DIP2C: variants seen among roughly 807,000 people sequenced by gnomAD.
DIP2C encodes the protein DIP2 acetate--CoA ligase C (putative).
A neutral mutation model predicts 192.4 loss-of-function variants in DIP2C; 33 were observed. The observed-to-expected ratio is 0.17, with a 90% CI of 0.13 to 0.23. The LOEUF (loss-of-function observed/expected upper bound fraction) is 0.23, where lower values mean the gene tolerates loss of function less well. Ranked by LOEUF, DIP2C falls within the 10% of genes least tolerant of loss-of-function variation. The pLI is 1.00. For synonymous variants in DIP2C, 979 were observed against 864.1 expected, an observed-to-expected ratio of 1.13 and a Z score of -2.33; for missense variants, 1,537 against 2,110.1, an observed-to-expected ratio of 0.73 and a Z score of 5.32.
At chr10:582,183 C>T (rs1214880380) in intron 1 of DIP2C, among the ~76,000 whole-genome samples, 4 of 152,190 alleles carry the variant, frequency 2.6e-5, no homozygotes, top group East Asian at 1.9e-4. Context: ...CCTAACAGAC[C>T]GTGGACTGGC....
chr10:452,029 C>A (rs576286387), intron 3 of DIP2C, among the ~76,000 whole-genome samples: 26 of 152,224 alleles, frequency 1.7e-4, no homozygotes, highest in African/African-American at 5.5e-4. Context: ...CAGCTCGGGG[C>A]GACTCCAGAC....
At chr10:538,997 C>T (rs186331398) in intron 1 of DIP2C, among the ~76,000 whole-genome samples, 3 of 148,992 alleles carry the variant, frequency 2.0e-5, no homozygotes, top group Admixed American at 6.6e-5. Context: ...ACCTCAGTTG[C>T]GAGTTGTCTG....
chr10:594,830 C>T (rs750086761), intron 1 of DIP2C, among the ~76,000 whole-genome samples: 5 of 152,188 alleles, frequency 3.3e-5, no homozygotes, highest in Non-Finnish European at 5.9e-5. Flanking sequence ...GTCGAATTTA[C>T]GACCTGCTGC....
intron 1 of DIP2C, among the ~76,000 whole-genome samples, chr10:587,789 G>A (rs1225307874): frequency 9.1e-6 from 1 of 110,232 alleles, no homozygotes; most frequent in African/African-American, 4.0e-5. Context: ...TCCACACCAG[G>A]CGCTGCCTCA....
intron 31 of DIP2C, among the ~76,000 whole-genome samples, chr10:320,661 GTAATCC>G (rs1420178053): frequency 6.6e-6 from 1 of 151,850 alleles, no homozygotes; most frequent in African/African-American, 2.4e-5. Flanking sequence ...GCTCACGCCT[GTAATCC>G]CAGTGCTTTG....
intron 2 of DIP2C, among the ~76,000 whole-genome samples, chr10:481,795 A>G (rs1843631006): frequency 6.6e-6 from 1 of 152,112 alleles, no homozygotes; most frequent in African/African-American, 2.4e-5. Context: ...CACGGTAGGG[A>G]CGGTCACTCA....
intron 4 of DIP2C, among the ~76,000 whole-genome samples, chr10:440,249 C>T (rs763482755): frequency 2.0e-5 from 3 of 152,210 alleles, no homozygotes; most frequent in Non-Finnish European, 4.4e-5. Context: ...GGGGTTGGCA[C>T]ATCTGTGCAC....
intron 24 of DIP2C, among the ~76,000 whole-genome samples, chr10:352,177 T>G (rs1012990425): frequency 3.3e-5 from 5 of 152,266 alleles, no homozygotes; most frequent in Admixed American, 3.3e-4. Context: ...CCCGCTTTGC[T>G]GTCAGATGAC....
At chr10:602,801 A>G (rs907467816) in intron 1 of DIP2C, among the ~76,000 whole-genome samples, 5 of 152,220 alleles carry the variant, frequency 3.3e-5, no homozygotes, top group Admixed American at 2.0e-4. Context: ...ACCCAGAACC[A>G]GGGTGTCGAT....
chr10:545,641 A>G (rs1848244617), intron 1 of DIP2C, among the ~76,000 whole-genome samples: 1 of 152,170 alleles, frequency 6.6e-6, no homozygotes, highest in Non-Finnish European at 1.5e-5. Context: ...AGGAAATAAG[A>G]TGCTGTTTAA....
intron 18 of DIP2C, among the ~76,000 whole-genome samples, 154 bp from the exon 19 acceptor site, chr10:366,565 C>T (rs1960237710): frequency 6.6e-6 from 1 of 152,216 alleles, no homozygotes; most frequent in South Asian, 2.1e-4. Context: ...CACTCATTTT[C>T]CCTAAAGAGC....
intron 1 of DIP2C, among the ~76,000 whole-genome samples, chr10:525,393 CAG>C (rs1448736852): frequency 6.6e-6 from 1 of 152,144 alleles, no homozygotes; most frequent in Non-Finnish European, 1.5e-5. Flanking sequence ...CAGCGTATCT[CAG>C]AATGAAAATA....
At chr10:495,325 TG>T (rs1844745702) in intron 1 of DIP2C, among the ~76,000 whole-genome samples, 1 of 152,182 alleles carries the variant, frequency 6.6e-6, no homozygotes, top group African/African-American at 2.4e-5. Context: ...TTAATAACAA[TG>T]TACCATCTGC....
intron 3 of DIP2C, among the ~76,000 whole-genome samples, chr10:460,122 C>T (rs1162169512): frequency 1.3e-5 from 2 of 152,104 alleles, no homozygotes; most frequent in Non-Finnish European, 2.9e-5. Context: ...CTTCCTCTCA[C>T]AGTCACATCA....
intron 8 of DIP2C, among the ~76,000 whole-genome samples, chr10:413,690 G>A (rs920059337): frequency 1.3e-5 from 2 of 152,190 alleles, no homozygotes; most frequent in Non-Finnish European, 2.9e-5. Flanking sequence ...GAGGGGGTGG[G>A]CAAAGGGCAG....
intron 22 of DIP2C, among the ~76,000 whole-genome samples, chr10:361,374 C>T (rs376625885): frequency 2.6e-5 from 4 of 152,286 alleles, no homozygotes; most frequent in East Asian, 1.9e-4. Flanking sequence ...TTCCTGACCT[C>T]GGCGTGAGGC....
chr10:431,334 T>C (rs1275653118), intron 4 of DIP2C, among the ~76,000 whole-genome samples: 1 of 152,258 alleles, frequency 6.6e-6, no homozygotes, highest in East Asian at 1.9e-4. Flanking sequence ...GGACTACCTG[T>C]CCATTTAGTT....
intron 1 of DIP2C, among the ~76,000 whole-genome samples, chr10:571,037 G>A (rs568506538): frequency 1.6e-4 from 25 of 152,342 alleles, no homozygotes; most frequent in South Asian, 1.2e-3. Flanking sequence ...ACGCTGGACC[G>A]GCACTGGCCT....
chr10:681,713 G>A (rs186606534), intron 1 of DIP2C, among the ~76,000 whole-genome samples: 162 of 152,368 alleles, frequency 1.1e-3, no homozygotes, highest in African/African-American at 3.8e-3. Context: ...GCAGACCCCA[G>A]TCTCTAAAGT....
Sources: gnomAD v4.1 joint callset for allele counts (sites outside exome capture counted in the v4.1 genomes callset) on GRCh38, gnomAD v4.1.1 for gene constraint, MANE v1.5 for transcripts, NCBI Gene and HGNC (gene_info 2026-07-23, HGNC 2026-07-21) for gene names.